The following CSMD3 variants were observed in gnomAD, a reference collection of about 807,000 sequenced individuals.
CSMD3 encodes CUB and sushi domain-containing protein 3.
Under a neutral mutation model 435.2 loss-of-function variants are expected in CSMD3, and 177 were observed. That is an observed-to-expected ratio of 0.41 (90% CI 0.36 to 0.46). CSMD3 has a LOEUF of 0.46. Ranked by LOEUF, CSMD3 falls within the 20% of genes least tolerant of loss-of-function variation. CSMD3 has a pLI of 0.34. For synonymous variants in CSMD3, 1,656 were observed against 1,520.5 expected, an observed-to-expected ratio of 1.09 and a Z score of -2.07; for missense variants, 4,265 against 4,504.6, an observed-to-expected ratio of 0.95 and a Z score of 1.52.
intron 5 of CSMD3, among the ~76,000 whole-genome samples, chr8:113,037,785 G>T (rs1235267098): frequency 6.6e-6 from 1 of 151,058 alleles, no homozygotes; most frequent in South Asian, 2.1e-4. Flanking sequence ...TTATGCAAAG[G>T]CAAAACAAAA....
chr8:112,741,224 C>G (rs2194598), intron 13 of CSMD3, among the ~76,000 whole-genome samples: 126,800 of 151,834 alleles, frequency 0.84, 53,135 homozygotes, highest in East Asian at 0.92. Context: ...TCTGATAAAG[C>G]GTTAATATCC....
intron 7 of CSMD3, among the ~76,000 whole-genome samples, chr8:112,961,413 G>C (rs1416685049): frequency 2.0e-5 from 3 of 151,758 alleles, no homozygotes; most frequent in African/African-American, 7.2e-5. Flanking sequence ...TTGATTATAT[G>C]AATAATTATT....
At chr8:112,950,272 C>T (rs1250732402) in intron 8 of CSMD3, among the ~76,000 whole-genome samples, 3 of 151,946 alleles carry the variant, frequency 2.0e-5, no homozygotes, top group South Asian at 4.1e-4. Flanking sequence ...AAAATATCCT[C>T]TTTCCAATCT....
chr8:113,032,837 T>C (rs117329146), intron 5 of CSMD3, among the ~76,000 whole-genome samples: 7,300 of 151,390 alleles, frequency 0.048, 407 homozygotes, highest in Non-Finnish European at 0.071. Flanking sequence ...AAAAATGGCT[T>C]CCTGGGCTGC....
chr8:113,409,981 T>C (rs2094550714), intron 1 of CSMD3, among the ~76,000 whole-genome samples: 2 of 152,164 alleles, frequency 1.3e-5, no homozygotes, highest in Non-Finnish European at 2.9e-5. Context: ...ATATCTAAAA[T>C]AATTATGCTT....
chr8:112,239,029 G>T (rs1371640252), intron 66 of CSMD3, among the ~76,000 whole-genome samples: 1 of 152,046 alleles, frequency 6.6e-6, no homozygotes, highest in African/African-American at 2.4e-5. Context: ...CAATAGCTGA[G>T]CCTTGGCCAA....
At chr8:112,752,976 A>G (rs1453217521) in intron 13 of CSMD3, among the ~76,000 whole-genome samples, 2 of 150,730 alleles carry the variant, frequency 1.3e-5, no homozygotes, top group East Asian at 2.0e-4. Flanking sequence ...CCCATGCTGG[A>G]GTGCAGTGGT....
At chr8:113,229,260 T>A (rs1485785543) in intron 3 of CSMD3, among the ~76,000 whole-genome samples, 2 of 151,670 alleles carry the variant, frequency 1.3e-5, no homozygotes, top group African/African-American at 2.4e-5. Flanking sequence ...AGTGTGTATA[T>A]CTCACATGTT....
intron 9 of CSMD3, among the ~76,000 whole-genome samples, chr8:112,940,148 A>G (rs894288932): frequency 5.3e-5 from 8 of 151,976 alleles, no homozygotes; most frequent in African/African-American, 1.9e-4. Flanking sequence ...GATTTACATT[A>G]TGATAATAAA....
intron 11 of CSMD3, among the ~76,000 whole-genome samples, chr8:112,841,632 C>T (rs1387248390): frequency 1.3e-5 from 2 of 151,720 alleles, no homozygotes; most frequent in South Asian, 4.2e-4. Flanking sequence ...TAGGATTTCC[C>T]AGGTAATGTC....
intron 3 of CSMD3, among the ~76,000 whole-genome samples, chr8:113,211,381 T>C (rs1163403968): frequency 6.6e-6 from 1 of 152,152 alleles, no homozygotes; most frequent in East Asian, 1.9e-4. Context: ...AATAATTTGT[T>C]TGTAAAACAA....
intron 3 of CSMD3, among the ~76,000 whole-genome samples, chr8:113,258,775 A>G (rs1328101931): frequency 1.3e-5 from 2 of 152,142 alleles, no homozygotes; most frequent in Non-Finnish European, 2.9e-5. Flanking sequence ...AGCAGTAAAA[A>G]GGCAAGAGAG....
At chr8:112,877,429 G>A (rs1189778601) in intron 10 of CSMD3, among the ~76,000 whole-genome samples, 1 of 151,886 alleles carries the variant, frequency 6.6e-6, no homozygotes, top group African/African-American at 2.4e-5. Context: ...ACCACACCTG[G>A]CTAATTTTTT....
At position 112,224,749 on chromosome 8, in the gene CSMD3, G is replaced by T. The variant is rs375360016; in HGVS notation, c.*22C>A. On this transcript the variant is annotated 3_prime_UTR_variant, in exon 71 of 71. Transcript: ENST00000297405. Reference sequence around the variant, plus strand: ...TTTGTGTGTCGATTTCCAAGCTTCTGAAGAAGGCAAAGGTTGCCTCGTTAT... The same window carrying T: ...TTTGTGTGTCGATTTCCAAGCTTCTTAAGAAGGCAAAGGTTGCCTCGTTAT... 230 of 1,613,458 alleles carry T rather than the reference G, an allele frequency of 1.4e-4. No individual in the cohort carries two copies. Among genetic ancestry groups the T allele is most frequent in the Non-Finnish European group, 1.8e-4 (217 of 1,179,498 alleles).
Position 113,179,756 on chromosome 8 carries a change from G to C in CSMD3, c.515-5840C>G, listed in dbSNP as rs527771387. Among the ~76,000 whole-genome samples, 72 of 151,624 alleles carry C rather than the reference G, an allele frequency of 4.7e-4. 1 individual carries two copies. Among genetic ancestry groups the C allele is most frequent in the South Asian group, 4.0e-3 (19 of 4,796 alleles). ...AGAGAGCATATATAAAGGACTATAG[G>C]AGAACAAAATTTTTGTTATGGTTTC... On this transcript the variant is annotated intron_variant, in intron 3 of 70. Coordinates refer to ENST00000297405, the MANE Select transcript of CSMD3 (RefSeq NM_198123.2).
intron 22 of CSMD3, among the ~76,000 whole-genome samples, chr8:112,633,815 T>A (rs1475520804): frequency 6.6e-6 from 1 of 152,026 alleles, no homozygotes; most frequent in Non-Finnish European, 1.5e-5. Flanking sequence ...ATGCCTTATA[T>A]AACCTATATA....
intron 31 of CSMD3, among the ~76,000 whole-genome samples, chr8:112,491,703 T>G (rs1473582516): frequency 6.6e-6 from 1 of 152,146 alleles, no homozygotes; most frequent in Non-Finnish European, 1.5e-5. Context: ...ACTTTTTTCC[T>G]ATTATTTTAT....
chr8:112,238,209 T>G (rs570277018), intron 66 of CSMD3, among the ~76,000 whole-genome samples: 5 of 89,558 alleles, frequency 5.6e-5, no homozygotes, highest in African/African-American at 2.4e-4. Context: ...AAATCAGCTA[T>G]TCAAGGTACC....
At chr8:113,355,478 A>G (rs1007601431) in intron 1 of CSMD3, among the ~76,000 whole-genome samples, 12 of 151,902 alleles carry the variant, frequency 7.9e-5, no homozygotes, top group Admixed American at 2.6e-4. Context: ...GTATCCTTAC[A>G]TGGTGGAGAG....
Sources: allele counts gnomAD v4.1 joint callset (sites outside exome capture counted in the v4.1 genomes callset), GRCh38; gene constraint gnomAD v4.1.1; transcripts MANE v1.5; gene names NCBI Gene and HGNC (gene_info 2026-07-23, HGNC 2026-07-21).